Variants in TASP1 observed in about 807,000 individuals in gnomAD.
TASP1 encodes taspase 1.
A neutral mutation model predicts 56.6 loss-of-function variants in TASP1; 16 were observed. The observed-to-expected ratio is 0.28, with a 90% confidence interval of 0.19 to 0.43. The LOEUF (loss-of-function observed/expected upper bound fraction) is 0.43. TASP1 is among the 20% of genes least tolerant of loss of function. The pLI is 1.00. For synonymous variants in TASP1, 179 were observed against 184.2 expected (o/e 0.97, Z 0.23); for missense variants, 393 against 511.6 (o/e 0.77, Z 2.24).
At chr20:13,511,762 C>G (rs1334835256) in intron 10 of TASP1, among the ~76,000 whole-genome samples, 1 of 134,678 alleles carries the variant, frequency 7.4e-6, no homozygotes. Context: ...CCCCCTCCCC[C>G]ACCCCACAAC....
chr20:13,625,218 C>T lies in TASP1; in HGVS notation c.180G>A (p.Glu60=). The T allele has an allele frequency of 6.2e-7, 1 of 1,611,732 alleles. No homozygotes were observed. Among genetic ancestry groups the T allele is most frequent in the East Asian group, 2.2e-5 (1 of 44,804 alleles). Residue 60 remains glutamate (E), a synonymous_variant, in exon 3 of 14, where the codon GAG becomes GAA. Coordinates refer to ENST00000337743, the MANE Select transcript of TASP1 (RefSeq NM_017714.3). ...AAGCTCGTTTGCATACATGTTTATA[C>T]TCCTTGGCTTTGGATTCAGAATGAT... ...AGYHSESKAK[E]YKHVCKRACQ... is the part of the protein sequence containing the mutation.
the TASP1 span, among the ~76,000 whole-genome samples, chr20:13,105,821 A>G: frequency 6.6e-6 from 1 of 152,142 alleles, no homozygotes; most frequent in Admixed American, 6.5e-5. Context: ...CATTCAGAGG[A>G]TTTGGTTATA....
chr20:13,360,675 A>G, the TASP1 span, among the ~76,000 whole-genome samples: 1 of 152,176 alleles, frequency 6.6e-6, no homozygotes, highest in African/African-American at 2.4e-5. Flanking sequence ...TAAAGTTCTC[A>G]TAACTTCCAA....
intron 11 of TASP1, among the ~76,000 whole-genome samples, chr20:13,468,343 T>C (rs1205692422): frequency 6.7e-6 from 1 of 148,384 alleles, no homozygotes. Flanking sequence ...CTGCTCCCTG[T>C]TGATGCTAAT....
the TASP1 span, among the ~76,000 whole-genome samples, chr20:13,328,378 C>G: frequency 1.1e-4 from 17 of 152,160 alleles, no homozygotes; most frequent in South Asian, 4.1e-4. Context: ...ATTAGTTCAA[C>G]CATTGTGGAA....
chr20:13,601,801 T>G (rs934737470), intron 4 of TASP1, among the ~76,000 whole-genome samples: 61 of 151,608 alleles, frequency 4.0e-4, no homozygotes, highest in Non-Finnish European at 2.9e-5. Flanking sequence ...TATGTACCCT[T>G]GATATCGTAT....
At chr20:13,475,039 T>C (rs943440664) in intron 11 of TASP1, among the ~76,000 whole-genome samples, 5 of 152,264 alleles carry the variant, frequency 3.3e-5, no homozygotes, top group East Asian at 1.9e-4. Context: ...AACACATAAA[T>C]AGAACAAACA....
the TASP1 span, among the ~76,000 whole-genome samples, chr20:13,266,052 C>A: frequency 3.9e-5 from 6 of 152,312 alleles, no homozygotes; most frequent in Admixed American, 1.3e-4. Context: ...AAAACCGAAT[C>A]TGAAAACTCC....
chr20:13,363,183 G>A, the TASP1 span, among the ~76,000 whole-genome samples: 9 of 152,080 alleles, frequency 5.9e-5, no homozygotes, highest in African/African-American at 2.2e-4. Context: ...TACATTGGGG[G>A]TGGTCACCAG....
At chr20:13,587,953 C>A (rs776145953) in intron 4 of TASP1, among the ~76,000 whole-genome samples, 1 of 151,936 alleles carries the variant, frequency 6.6e-6, no homozygotes, top group African/African-American at 2.4e-5. Flanking sequence ...CAGTGAGACA[C>A]CATCTATACA....
intron 13 of TASP1, among the ~76,000 whole-genome samples, chr20:13,416,531 A>G (rs150013626): frequency 1.3e-5 from 2 of 152,352 alleles, no homozygotes; most frequent in East Asian, 3.9e-4. Context: ...ATGACAAATA[A>G]GCAATAAAGT....
At chr20:13,376,388 T>A in the TASP1 span, among the ~76,000 whole-genome samples, 32 of 152,192 alleles carry the variant, frequency 2.1e-4, no homozygotes, top group African/African-American at 7.5e-4. Context: ...TGGTTGTAGA[T>A]GTGTGGCATT....
chr20:13,136,624 A>G, the TASP1 span, among the ~76,000 whole-genome samples: 1 of 145,966 alleles, frequency 6.9e-6, no homozygotes, highest in African/African-American at 2.6e-5. Flanking sequence ...TATATAATAT[A>G]CATATAAAAA....
the TASP1 span, among the ~76,000 whole-genome samples, chr20:13,308,031 A>C: frequency 2.0e-5 from 3 of 152,170 alleles, no homozygotes; most frequent in African/African-American, 4.8e-5. Context: ...CACTCCGTTT[A>C]GGAGTGTTTG....
At chr20:13,122,881 G>A in the TASP1 span, among the ~76,000 whole-genome samples, 1 of 152,150 alleles carries the variant, frequency 6.6e-6, no homozygotes, top group African/African-American at 2.4e-5. Context: ...TTGGTTTGAT[G>A]TATGGGTCTA....
intron 11 of TASP1, among the ~76,000 whole-genome samples, chr20:13,437,799 C>T: frequency 6.6e-6 from 1 of 152,180 alleles, no homozygotes; most frequent in Non-Finnish European, 1.5e-5. Flanking sequence ...ATACAACTTA[C>T]AAGGGACGTG....
the TASP1 span, among the ~76,000 whole-genome samples, chr20:13,208,855 A>G: frequency 0.45 from 68,755 of 152,044 alleles, 17,171 homozygotes; most frequent in African/African-American, 0.68. Flanking sequence ...ACCACCCAAC[A>G]AACTCATAGA....
At chr20:13,541,424 C>A (rs1174668117) in intron 8 of TASP1, among the ~76,000 whole-genome samples, 1 of 152,154 alleles carries the variant, frequency 6.6e-6, no homozygotes, top group Non-Finnish European at 1.5e-5. Context: ...GCCAGGAGGA[C>A]TGCATTTAAT....
chr20:13,506,970 A>G (rs1015257197), intron 10 of TASP1, among the ~76,000 whole-genome samples: 3 of 152,090 alleles, frequency 2.0e-5, no homozygotes, highest in African/African-American at 7.2e-5. Context: ...TCAGAAAGGG[A>G]GAAGTAAAAC....
Sources: gnomAD v4.1 joint callset for allele counts (sites outside exome capture counted in the v4.1 genomes callset) on GRCh38, gnomAD v4.1.1 for gene constraint, MANE v1.5 for transcripts, NCBI Gene and HGNC (gene_info 2026-07-23, HGNC 2026-07-21) for gene names.